Variants in SNTA1 observed in about 807,000 individuals in gnomAD.
The protein encoded by SNTA1 is alpha-1-syntrophin.
SNTA1 carries 31 observed loss-of-function variants against 47.1 expected under a neutral mutation model. The observed-to-expected ratio is 0.66, with a 90% confidence interval of 0.49 to 0.89. SNTA1 has a LOEUF of 0.89. Among genes scored for constraint, SNTA1 ranks in the 40% least tolerant of loss-of-function variants. SNTA1 has a pLI of 0.00. For missense variants in SNTA1, 575 were observed against 693.0 expected (o/e 0.83, Z 1.91); for synonymous variants, 300 against 313.6 (o/e 0.96, Z 0.46).
At chr20:33,414,667 A>G (rs914424511) in intron 3 of SNTA1, among the ~76,000 whole-genome samples, 2 of 152,228 alleles carry the variant, frequency 1.3e-5, no homozygotes, top group African/African-American at 4.8e-5. Flanking sequence ...AGCAACAGAT[A>G]GCCAAAATAC....
Position 33,420,708 on chromosome 20 carries a change from G to A in SNTA1, c.497-2785C>T, listed in dbSNP as rs139154505. Among the ~76,000 whole-genome samples the A allele has an allele frequency of 7.6e-4, 115 of 152,214 alleles. 1 individual carries two copies. The highest frequency in any genetic ancestry group is 3.4e-3 in the Middle Eastern group (1 of 294). Reference sequence around the variant, plus strand: ...GAAAATGCAGTTCCCGGCCTTGTGCGGTGGCTCATGTCTGTAATCCCAGCA... The same window carrying A: ...GAAAATGCAGTTCCCGGCCTTGTGCAGTGGCTCATGTCTGTAATCCCAGCA... On this transcript the variant is annotated intron_variant, in intron 2 of 7. Transcript: ENST00000217381.
chr20:33,432,769 G>A (rs1182699316), intron 2 of SNTA1, among the ~76,000 whole-genome samples: 1 of 152,162 alleles, frequency 6.6e-6, no homozygotes, highest in Non-Finnish European at 1.5e-5. Context: ...GCTGAGATAG[G>A]AGGATCGCTT....
chr20:33,443,474 AG>A lies in SNTA1; in HGVS notation c.146del (p.Pro49LeufsTer40). 7.3e-7 allele frequency: 1 copy of A among 1,377,676 alleles called. No homozygotes were observed. 85.3% of individuals were successfully genotyped at this position (1,377,676 alleles called of 1,614,324 possible). ...VLTVSPADGD[P>X]GPEPGAPREQ... ...CCCGCGGAGCGCCGGGCTCGGGACC[AG>A]GGTCGCCGTCGGCGGGGCTCACGGT... On this transcript the variant is annotated frameshift_variant, in exon 1 of 8. Transcript: ENST00000217381. LOFTEE classifies it high-confidence loss of function.
intron 4 of SNTA1, 32 bp from the exon 5 acceptor site, chr20:33,412,458 T>TG: frequency 6.2e-7 from 1 of 1,607,228 alleles, no homozygotes; most frequent in Non-Finnish European, 8.5e-7. Context: ...TGAGGATGGG[T>TG]GGGGGAAGAG....
At chr20:33,417,975 A>G (rs1293488312) in intron 2 of SNTA1, 52 bp from the exon 3 acceptor site, 2 of 1,187,208 alleles carry the variant, frequency 1.7e-6, no homozygotes, top group Admixed American at 1.7e-5. Context: ...CTCCCAGCAC[A>G]TATCACAATT....
At chr20:33,421,957 CAAAAA>C (rs34754645) in intron 2 of SNTA1, among the ~76,000 whole-genome samples, 1 of 70,040 alleles carries the variant, frequency 1.4e-5, no homozygotes, top group Non-Finnish European at 2.6e-5. Flanking sequence ...ACCCTGTCTC[CAAAAA>C]AAAAAAAAAA....
intron 3 of SNTA1, among the ~76,000 whole-genome samples, chr20:33,413,781 T>A (rs940040971): frequency 1.3e-5 from 2 of 149,290 alleles, no homozygotes; most frequent in Middle Eastern, 3.5e-3. Context: ...AAAAAAAAAT[T>A]TTTTTTTTAA....
rs114743052 is a variant in SNTA1 at position 33,430,670 on chromosome 20, G to A, written c.496+8171C>T. Among the ~76,000 whole-genome samples the A allele has an allele frequency of 7.9e-3, 1,193 of 151,808 alleles. 16 individuals are homozygous for A. The highest frequency in any genetic ancestry group is 0.027 in the African/African-American group (1,122 of 41,438). On this transcript the variant is annotated intron_variant, in intron 2 of 7. Transcript: ENST00000217381. ...GTATTTAAGAAAATGAGTTTTCGCC[G>A]GGCGCAGTGGCTCACACCTGTAAAT...
intron 3 of SNTA1, among the ~76,000 whole-genome samples, chr20:33,417,477 G>A (rs1362361962): frequency 6.6e-6 from 1 of 152,184 alleles, no homozygotes; most frequent in Non-Finnish European, 1.5e-5. Context: ...CTGGAACGCA[G>A]GGTTCTTCCT....
intron 2 of SNTA1, among the ~76,000 whole-genome samples, chr20:33,426,053 G>A (rs150627817): frequency 1.1e-3 from 174 of 151,872 alleles, no homozygotes; most frequent in African/African-American, 3.7e-3. Flanking sequence ...TCCAGCCTGC[G>A]TGACAGAGCA....
intron 1 of SNTA1, among the ~76,000 whole-genome samples, chr20:33,440,232 G>C (rs1220392950): frequency 6.6e-6 from 1 of 152,060 alleles, no homozygotes; most frequent in Non-Finnish European, 1.5e-5. Flanking sequence ...AAGATGGGCA[G>C]ATCACCTGAG....
chr20:33,408,717 C>T lies in SNTA1; in HGVS notation c.1409G>A (p.Gly470Asp). ...GASLLFLDFG[G>D]AEGEIQLDLH... ...CTCACTCACGATCTCGCCTTCAGCA[C>T]CTCCAAAATCCAGGAAAAGGAGACT... is the stretch of plus-strand genomic sequence containing the variant. Residue 470 changes from glycine to aspartate, a missense_variant, in exon 7 of 8, where the codon GGT (glycine) becomes GAT (aspartate). Gly to Asp is a moderately conservative substitution (Grantham distance 94, BLOSUM62 -1). Transcript: ENST00000217381. 1 of 1,614,130 alleles carries T rather than the reference C, an allele frequency of 6.2e-7. No homozygotes were observed. Among genetic ancestry groups the T allele is most frequent in the Non-Finnish European group, 8.5e-7 (1 of 1,180,020 alleles).
Position 33,443,283 on chromosome 20 carries a change from CCCCGCGCCCTCGGTGT to C in SNTA1, c.310+12_310+27del, listed in dbSNP as rs1441274981. ...CCTCGGCTGCCCCCAGACACCACGACCCCGCGCCCTCGGTGTCCCGCGCCCACCTTTGATGCTGATG... is the reference window on the plus strand; with the variant it reads ...CCTCGGCTGCCCCCAGACACCACGACCCCGCGCCCACCTTTGATGCTGATG... On this transcript the variant is annotated intron_variant, in intron 1 of 7. Transcript: ENST00000217381. 1.8e-5 allele frequency: 27 copies of C among 1,492,534 alleles called. No homozygotes were observed. Among genetic ancestry groups the C allele is most frequent in the African/African-American group, 1.4e-4 (10 of 69,486 alleles). The allele number at this position is 1,492,534 out of a possible 1,614,324, so 92.5% of individuals were successfully genotyped here. A position where few individuals can be genotyped will look rare whatever the true frequency, so the allele number is the denominator to read the frequency against.
At chr20:33,414,709 T>C (rs1282172045) in intron 3 of SNTA1, among the ~76,000 whole-genome samples, 1 of 152,204 alleles carries the variant, frequency 6.6e-6, no homozygotes, top group Non-Finnish European at 1.5e-5. Flanking sequence ...TTTTGTCTTA[T>C]TTCTGCCTGG....
At chr20:33,440,661 T>C (rs1990556257) in intron 1 of SNTA1, among the ~76,000 whole-genome samples, 1 of 147,720 alleles carries the variant, frequency 6.8e-6, no homozygotes, top group African/African-American at 2.5e-5. Flanking sequence ...AAAACAAAAA[T>C]ACAAAAATTA....
chr20:33,424,954 A>G (rs1990129917), intron 2 of SNTA1, among the ~76,000 whole-genome samples: 1 of 151,954 alleles, frequency 6.6e-6, no homozygotes. Flanking sequence ...GTCTCTACTA[A>G]AACTACAACA....
At chr20:33,426,599 T>C (rs991467159) in intron 2 of SNTA1, among the ~76,000 whole-genome samples, 1 of 148,196 alleles carries the variant, frequency 6.7e-6, no homozygotes, top group African/African-American at 2.5e-5. Context: ...TCGTCTCTCC[T>C]AAAAATACAA....
chr20:33,415,809 C>T (rs1989860750), intron 3 of SNTA1, among the ~76,000 whole-genome samples: 1 of 147,500 alleles, frequency 6.8e-6, no homozygotes, highest in Non-Finnish European at 1.5e-5. Context: ...AAAAAAAATA[C>T]AAAAATTAGT....
chr20:33,424,517 A>T (rs570216952), intron 2 of SNTA1, among the ~76,000 whole-genome samples: 64 of 143,498 alleles, frequency 4.5e-4, no homozygotes, highest in African/African-American at 1.0e-3. Context: ...TGAAAAAATT[A>T]AAAAAAAAAA....
Sources: gnomAD v4.1 joint callset for allele counts (sites outside exome capture counted in the v4.1 genomes callset) on GRCh38, gnomAD v4.1.1 for gene constraint, MANE v1.5 for transcripts, NCBI Gene and HGNC (gene_info 2026-07-23, HGNC 2026-07-21) for gene names.